ELP4: variants seen among roughly 807,000 people sequenced by gnomAD.
The protein encoded by ELP4 is elongator acetyltransferase complex subunit 4, also known as elongator complex protein 4.
A neutral mutation model predicts 48.9 loss-of-function variants in ELP4; 51 were observed. The observed-to-expected ratio is 1.04, with a 90% CI of 0.83 to 1.32. The LOEUF (loss-of-function observed/expected upper bound fraction) is 1.32. Ranked by LOEUF, ELP4 falls within the 40% of genes most tolerant of loss-of-function variation. ELP4 has a pLI of 0.00. For missense variants in ELP4, 519 were observed against 514.6 expected (o/e 1.01, Z -0.08); for synonymous variants, 210 against 189.2 (o/e 1.11, Z -0.90).
intron 3 of ELP4, among the ~76,000 whole-genome samples, chr11:31,558,275 C>G (rs2133937963): frequency 6.6e-6 from 1 of 152,034 alleles, no homozygotes; most frequent in Middle Eastern, 3.4e-3. Flanking sequence ...GTACTGCTTC[C>G]AGTGACCTAC....
chr11:31,786,618 A>G lies in ELP4; in HGVS notation c.*3094A>G. The G allele has an allele frequency of 4.4e-6, 1 of 225,918 alleles. No homozygotes were observed. The highest frequency in any genetic ancestry group is 8.8e-6 in the Non-Finnish European group (1 of 113,436). 14.0% of individuals were successfully genotyped at this position (225,918 alleles called of 1,614,324 possible). On this transcript the variant is annotated 3_prime_UTR_variant, in exon 10 of 10. Coordinates refer to ENST00000640961, the MANE Select transcript of ELP4 (RefSeq NM_019040.5). The stretch of plus-strand genomic sequence containing the variant: ...AGAATATAGACACAATCCTAAGATG[A>G]CATTCACAGAACAAAGCTGAATCTT...
intron 3 of ELP4, among the ~76,000 whole-genome samples, chr11:31,565,754 C>G (rs966790876): frequency 6.6e-6 from 1 of 151,874 alleles, no homozygotes; most frequent in Non-Finnish European, 1.5e-5. Flanking sequence ...GGTACCAGTA[C>G]CATGCTGTTT....
chr11:31,572,029 C>T (rs1373652286), intron 3 of ELP4, among the ~76,000 whole-genome samples: 1 of 152,172 alleles, frequency 6.6e-6, no homozygotes, highest in African/African-American at 2.4e-5. Flanking sequence ...GGAGAGTCAG[C>T]CTGTCGTTTG....
At chr11:31,778,607 T>C (rs960910534) in intron 9 of ELP4, among the ~76,000 whole-genome samples, 6 of 152,174 alleles carry the variant, frequency 3.9e-5, no homozygotes, top group Non-Finnish European at 5.9e-5. Flanking sequence ...ACACATCTCA[T>C]TTTATTCTGA....
chr11:31,760,672 T>C (rs901576268), intron 9 of ELP4, among the ~76,000 whole-genome samples: 1 of 152,238 alleles, frequency 6.6e-6, no homozygotes, highest in African/African-American at 2.4e-5. Context: ...TTTTTAGAAA[T>C]AATACTTCCT....
At chr11:31,652,138 A>G (rs1299042816) in intron 9 of ELP4, 1 of 151,708 alleles carries the variant, frequency 6.6e-6, no homozygotes, top group African/African-American at 2.4e-5. Context: ...AACAAAACAC[A>G]AATAGACTGT....
chr11:31,663,833 G>C (rs947984937), intron 9 of ELP4: 1 of 151,886 alleles, frequency 6.6e-6, no homozygotes, highest in Non-Finnish European at 1.5e-5. Context: ...TGGCATTTTG[G>C]TTAGGAAATT....
At chr11:31,621,084 A>G (rs1440366480) in intron 5 of ELP4, among the ~76,000 whole-genome samples, 1 of 151,958 alleles carries the variant, frequency 6.6e-6, no homozygotes, top group Non-Finnish European at 1.5e-5. Flanking sequence ...TTATATGCTA[A>G]TATAACTTTA....
In ELP4 at chr11:31,625,253, A is replaced by G. The variant is rs141561236; in HGVS notation, c.654-1857A>G. Among the ~76,000 whole-genome samples the G allele has an allele frequency of 3.0e-4, 45 of 151,834 alleles. 2 individuals are homozygous for G. The East Asian group carries it at 6.8e-3, about 23-fold the overall frequency. On this transcript the variant is annotated intron_variant, in intron 5 of 9. Coordinates refer to ENST00000640961, the MANE Select transcript of ELP4 (RefSeq NM_019040.5). ...AATTCTATTACAATCTTATGGGGCA[A>G]TTGTTGTATACGTGGTCCATCATTG...
intron 2 of ELP4, among the ~76,000 whole-genome samples, chr11:31,534,621 A>G (rs1179558516): frequency 6.6e-6 from 1 of 152,314 alleles, no homozygotes; most frequent in South Asian, 2.1e-4. Flanking sequence ...TCCAGTAATC[A>G]CTGAAAACAT....
intron 9 of ELP4, among the ~76,000 whole-genome samples, chr11:31,721,665 G>A (rs962667780): frequency 3.9e-5 from 6 of 151,990 alleles, no homozygotes; most frequent in Non-Finnish European, 8.8e-5. Context: ...TTCAAATTTG[G>A]CAGGACCCTG....
In ELP4 at chr11:31,738,696, G is replaced by A. The variant is rs531827674; in HGVS notation, c.1144-44697G>A. On this transcript the variant is annotated intron_variant, in intron 9 of 9. Coordinates refer to ENST00000640961, the MANE Select transcript of ELP4 (RefSeq NM_019040.5). ...GTCGAGGTCTCAGTGAGCGGAGATC[G>A]TGCCACTGTACTATAGCCTGGGCAA... Among the ~76,000 whole-genome samples the A allele has an allele frequency of 5.3e-5, 8 of 151,638 alleles. 1 individual carries two copies. Among genetic ancestry groups the A allele is most frequent in the Admixed American group, 2.0e-4 (3 of 15,238 alleles).
At chr11:31,729,763 C>T (rs1947145725) in intron 9 of ELP4, among the ~76,000 whole-genome samples, 1 of 152,202 alleles carries the variant, frequency 6.6e-6, no homozygotes, top group Non-Finnish European at 1.5e-5. Flanking sequence ...GAGTGTGTGA[C>T]ACAGCTTGAA....
At chr11:31,725,578 A>G (rs1301273550) in intron 9 of ELP4, among the ~76,000 whole-genome samples, 1 of 152,204 alleles carries the variant, frequency 6.6e-6, no homozygotes, top group Non-Finnish European at 1.5e-5. Context: ...TCATCTTGCA[A>G]GCTTGGCCAG....
chr11:31,742,763 A>G (rs1014441999), intron 9 of ELP4, among the ~76,000 whole-genome samples: 2 of 152,220 alleles, frequency 1.3e-5, no homozygotes, highest in African/African-American at 4.8e-5. Flanking sequence ...CTAAACATGG[A>G]AAGGATCAAC....
chr11:31,712,109 A>G (rs16922426), intron 9 of ELP4, among the ~76,000 whole-genome samples: 3,123 of 152,108 alleles, frequency 0.021, 101 homozygotes, highest in African/African-American at 0.071. Context: ...AGTTACCATC[A>G]TTATGAACAA....
intron 3 of ELP4, among the ~76,000 whole-genome samples, chr11:31,559,877 G>A (rs1956986657): frequency 6.9e-6 from 1 of 145,336 alleles, no homozygotes; most frequent in African/African-American, 2.6e-5. Flanking sequence ...CACTCCAGCA[G>A]CCTGGGCAAC....
At chr11:31,631,050 C>T (rs1035200345) in intron 6 of ELP4, among the ~76,000 whole-genome samples, 2 of 152,126 alleles carry the variant, frequency 1.3e-5, no homozygotes, top group Non-Finnish European at 2.9e-5. Flanking sequence ...CTGTAATTCT[C>T]TCTTATTCAT....
intron 9 of ELP4, among the ~76,000 whole-genome samples, chr11:31,757,803 A>G (rs1436054131): frequency 1.3e-5 from 2 of 152,218 alleles, no homozygotes; most frequent in African/African-American, 2.4e-5. Flanking sequence ...AAAAGGAAAC[A>G]TCTTGGTAAA....
Sources: gnomAD v4.1 joint callset for allele counts (sites outside exome capture counted in the v4.1 genomes callset) on GRCh38, gnomAD v4.1.1 for gene constraint, MANE v1.5 for transcripts, NCBI Gene and HGNC (gene_info 2026-07-23, HGNC 2026-07-21) for gene names.